The following ACSM6 variants were observed in gnomAD, a reference collection of about 807,000 sequenced individuals.
The protein encoded by ACSM6 is acyl-coenzyme A synthetase ACSM6, mitochondrial.
In ACSM6, 35 loss-of-function variants were observed where a neutral mutation model predicts 51.1. The observed-to-expected ratio is 0.69, with a 90% CI of 0.52 to 0.91. The LOEUF is 0.91. ACSM6 is among the 40% of genes least tolerant of loss of function. ACSM6 has a pLI of 0.00. For missense variants in ACSM6, 509 were observed against 584.1 expected, an observed-to-expected ratio of 0.87 and a Z score of 1.32; for synonymous variants, 172 against 207.3, an observed-to-expected ratio of 0.83 and a Z score of 1.46.
rs555350346 is a variant in ACSM6, at chr10:95,214,997, A to C, written c.1119+22A>C. On this transcript the variant is annotated intron_variant, in intron 8 of 10. Coordinates refer to ENST00000341686, the Ensembl canonical transcript of ACSM6. ...AACTGTAGGTTGATGCTGACTCACT[A>C]TTTAGCCAGAAACCAAACTTGCCCA... The C allele has an allele frequency of 9.7e-6, 15 of 1,550,716 alleles. No individual in the cohort carries two copies. In the African/African-American group the frequency reaches 1.9e-4, roughly 20 times the overall value.
intron 2 of ACSM6, among the ~76,000 whole-genome samples, chr10:95,197,958 T>A (rs619297): frequency 0.071 from 10,788 of 152,082 alleles, 478 homozygotes; most frequent in Middle Eastern, 0.23. Context: ...TTACCAAGTA[T>A]ACTGCTTGTA....
chr10:95,207,172 G>T, intron 3 of ACSM6, 36 bp from the exon 4 acceptor site: 2 of 1,597,522 alleles, frequency 1.3e-6, no homozygotes, highest in South Asian at 1.1e-5. Context: ...CTACTCAAAA[G>T]ATAAAAATGA....
At chr10:95,219,682 T>C (rs552359435) in intron 8 of ACSM6, among the ~76,000 whole-genome samples, 1 of 152,330 alleles carries the variant, frequency 6.6e-6, no homozygotes, top group Non-Finnish European at 1.5e-5. Context: ...ATGGTTTACA[T>C]GTTCTTCTGT....
chr10:95,228,439 A>G (rs2035062521), intron 10 of ACSM6: 2 of 160,762 alleles, frequency 1.2e-5, no homozygotes, highest in Admixed American at 2.3e-4. Flanking sequence ...AGCTGGGACA[A>G]AAAAAAAAAA....
At chr10:95,197,208 G>A (rs1205726585) in intron 2 of ACSM6, among the ~76,000 whole-genome samples, 2 of 152,118 alleles carry the variant, frequency 1.3e-5, no homozygotes, top group African/African-American at 4.8e-5. Context: ...GGGGTGGCCT[G>A]CCCCTCCACA....
chr10:95,215,298 T>C (rs998359511), intron 8 of ACSM6, among the ~76,000 whole-genome samples: 29 of 152,158 alleles, frequency 1.9e-4, no homozygotes, highest in African/African-American at 7.0e-4. Context: ...GAGTGGAGGA[T>C]GTTTAAAATT....
chr10:95,227,395 T>C (rs1185981042), intron 10 of ACSM6, among the ~76,000 whole-genome samples: 1 of 152,250 alleles, frequency 6.6e-6, no homozygotes, highest in Non-Finnish European at 1.5e-5. Flanking sequence ...ATATTGTAAA[T>C]ATTTCTTCAA....
At chr10:95,228,490 T>G in intron 10 of ACSM6, 154 bp from the exon 11 acceptor site, 1 of 658,014 alleles carries the variant, frequency 1.5e-6, no homozygotes, top group Non-Finnish European at 2.3e-6. Context: ...TTCTCCGTGT[T>G]TGTTGAGTTT....
At chr10:95,207,683 G>A (rs538103250) in intron 4 of ACSM6, among the ~76,000 whole-genome samples, 1 of 152,240 alleles carries the variant, frequency 6.6e-6, no homozygotes, top group East Asian at 1.9e-4. Context: ...AAAGTCTTAT[G>A]TTCTGATTCA....
intron 9 of ACSM6, 132 bp from the exon 10 acceptor site, chr10:95,225,158 A>C: frequency 1.5e-6 from 1 of 676,622 alleles, no homozygotes; most frequent in Non-Finnish European, 2.5e-6. Flanking sequence ...CCCAGTATCT[A>C]AGTACACCAA....
In ACSM6 at chr10:95,198,231, T is replaced by TA. The variant is rs976559935; in HGVS notation, c.192+3564dup. Among the ~76,000 whole-genome samples, 14 of 146,980 alleles carry TA rather than the reference T, an allele frequency of 9.5e-5. No homozygotes were observed. In the South Asian group the frequency reaches 1.1e-3, roughly 11 times the overall value. On this transcript the variant is annotated intron_variant, in intron 2 of 10. Transcript: ENST00000341686. ...TCTTTCTTTTCCCTACATATCACCC[T>TA]AAAAAAAAAACCAGGAAGCCAAAGA...
At chr10:95,213,985 A>G (rs778966678) in intron 7 of ACSM6, among the ~76,000 whole-genome samples, 6 of 152,248 alleles carry the variant, frequency 3.9e-5, no homozygotes, top group Admixed American at 2.0e-4. Flanking sequence ...ATTCAGCAAC[A>G]TTCCATCTCA....
intron 9 of ACSM6, among the ~76,000 whole-genome samples, chr10:95,220,749 A>G (rs898614194): frequency 2.6e-5 from 4 of 152,150 alleles, no homozygotes; most frequent in African/African-American, 7.2e-5. Flanking sequence ...GTTTCACTAC[A>G]TATTATTTAA....
At chr10:95,201,593 T>C (rs2034794589) in intron 2 of ACSM6, 1 of 458,630 alleles carries the variant, frequency 2.2e-6, no homozygotes, top group Non-Finnish European at 4.4e-6. Context: ...CACTTTGCTA[T>C]TGTGAATAGA....
At chr10:95,208,716 T>C (rs1176569231) in intron 4 of ACSM6, among the ~76,000 whole-genome samples, 4 of 152,060 alleles carry the variant, frequency 2.6e-5, no homozygotes, top group Admixed American at 6.6e-5. Flanking sequence ...TTGTTTTTAA[T>C]CTCTTACTAT....
intron 2 of ACSM6, among the ~76,000 whole-genome samples, chr10:95,197,091 A>G (rs1188184340): frequency 2.6e-5 from 4 of 152,252 alleles, no homozygotes; most frequent in Non-Finnish European, 4.4e-5. Context: ...TCCCACACTC[A>G]ATGGCATCGT....
chr10:95,225,620 G>A, intron 10 of ACSM6: 1 of 407,550 alleles, frequency 2.5e-6, no homozygotes, highest in Non-Finnish European at 4.3e-6. Flanking sequence ...ACATTTGGGA[G>A]TAAATGCAGA....
chr10:95,195,343 A>C (rs1727557825), intron 2 of ACSM6, among the ~76,000 whole-genome samples: 1 of 152,190 alleles, frequency 6.6e-6, no homozygotes. Context: ...AAGACAAGGG[A>C]AAGACTGTCT....
At chr10:95,210,768 G>A (rs1438522429) in exon 5 of ACSM6, 3 of 1,613,772 alleles carry the variant, frequency 1.9e-6, no homozygotes, top group Non-Finnish European at 2.5e-6. Flanking sequence ...GTATGGTTTG[G>A]GAATGGGATT....
Sources: gnomAD v4.1 joint callset for allele counts (sites outside exome capture counted in the v4.1 genomes callset) on GRCh38, gnomAD v4.1.1 for gene constraint, MANE v1.5 for transcripts, NCBI Gene and HGNC (gene_info 2026-07-23, HGNC 2026-07-21) for gene names.